HSD17B12: variants seen among roughly 807,000 people sequenced by gnomAD.
HSD17B12 encodes the protein hydroxysteroid 17-beta dehydrogenase 12.
In HSD17B12, 32 loss-of-function variants were observed where a neutral mutation model predicts 39.3. The ratio of observed to expected loss-of-function variants is 0.81; its 90% CI spans 0.61 to 1.09. The LOEUF is 1.09. Ranked by LOEUF, HSD17B12 falls within the 50% of genes least tolerant of loss-of-function variation. HSD17B12 has a pLI of 0.00. For synonymous variants in HSD17B12, 150 were observed against 146.7 expected (o/e 1.02, Z -0.16); for missense variants, 342 against 382.9 (o/e 0.89, Z 0.89).
the HSD17B12 span, among the ~76,000 whole-genome samples, chr11:43,623,954 A>G: frequency 2.6e-5 from 4 of 152,048 alleles, no homozygotes; most frequent in African/African-American, 4.8e-5. Flanking sequence ...ACAAAATGCA[A>G]TTTCAAAAAC....
At chr11:43,813,905 T>C (rs1951095875) in intron 4 of HSD17B12, among the ~76,000 whole-genome samples, 1 of 152,220 alleles carries the variant, frequency 6.6e-6, no homozygotes, top group South Asian at 2.1e-4. Flanking sequence ...TTGTAAAATC[T>C]TGCAACTTAC....
At chr11:43,637,377 T>G in the HSD17B12 span, among the ~76,000 whole-genome samples, 1 of 152,022 alleles carries the variant, frequency 6.6e-6, no homozygotes, top group Non-Finnish European at 1.5e-5. Flanking sequence ...TGCACCACCA[T>G]GCCCAGCTAA....
chr11:43,823,878 A>T (rs1280461954), intron 6 of HSD17B12, among the ~76,000 whole-genome samples: 1 of 152,188 alleles, frequency 6.6e-6, no homozygotes, highest in Admixed American at 6.5e-5. Flanking sequence ...CGCTATTTAT[A>T]CTGAAGTAAA....
At chr11:43,619,833 T>A in the HSD17B12 span, among the ~76,000 whole-genome samples, 1 of 152,240 alleles carries the variant, frequency 6.6e-6, no homozygotes, top group East Asian at 1.9e-4. Context: ...GTGAGGGCAA[T>A]GAGTTACTAC....
intron 1 of HSD17B12, among the ~76,000 whole-genome samples, chr11:43,720,896 TAGA>T (rs1259036373): frequency 6.6e-6 from 1 of 152,176 alleles, no homozygotes; most frequent in African/African-American, 2.4e-5. Flanking sequence ...AGATTTTATC[TAGA>T]AGGTTATATA....
Position 43,777,747 on chromosome 11 carries a change from C to T in HSD17B12, c.284-20573C>T, listed in dbSNP as rs760281050. Among the ~76,000 whole-genome samples the T allele has an allele frequency of 1.2e-3, 187 of 152,196 alleles. 2 individuals are homozygous for T. The highest frequency in any genetic ancestry group is 3.5e-3 in the Admixed American group (54 of 15,282). ...AGTATGATATTGGCTGTGGGTTTGT[C>T]GTAGATAGCTCTTATTATTTTGAAA... On this transcript the variant is annotated intron_variant, in intron 3 of 10. Coordinates refer to ENST00000278353, the MANE Select transcript of HSD17B12 (RefSeq NM_016142.3).
At chr11:43,611,125 T>C in the HSD17B12 span, among the ~76,000 whole-genome samples, 1 of 152,370 alleles carries the variant, frequency 6.6e-6, no homozygotes, top group Non-Finnish European at 1.5e-5. Flanking sequence ...GTTTTCTTCC[T>C]GACACCTCAA....
At chr11:43,676,961 T>C (rs1405380764), upstream of HSD17B12, among the ~76,000 whole-genome samples, 1 of 152,124 alleles carries the variant, frequency 6.6e-6, no homozygotes, top group African/African-American at 2.4e-5. Context: ...AGCTATACTG[T>C]AGGCAAAGAT....
intron 6 of HSD17B12, among the ~76,000 whole-genome samples, chr11:43,826,330 G>A (rs938612431): frequency 7.2e-5 from 11 of 151,900 alleles, no homozygotes; most frequent in Admixed American, 4.6e-4. Context: ...TGATCTGCCC[G>A]CCTCGACCTC....
intron 1 of HSD17B12, among the ~76,000 whole-genome samples, chr11:43,682,956 C>T (rs1486718374): frequency 6.6e-6 from 1 of 151,628 alleles, no homozygotes; most frequent in Admixed American, 6.6e-5. Flanking sequence ...CACACCAGCT[C>T]ATTTTTTTTG....
At chr11:43,801,829 A>G (rs1950972378) in intron 4 of HSD17B12, among the ~76,000 whole-genome samples, 1 of 152,002 alleles carries the variant, frequency 6.6e-6, no homozygotes, top group East Asian at 1.9e-4. Flanking sequence ...CCTTCTTGTC[A>G]AAGGCTGCCT....
At chr11:43,818,343 G>A (rs553882875) in intron 6 of HSD17B12, among the ~76,000 whole-genome samples, 86 of 152,140 alleles carry the variant, frequency 5.7e-4, no homozygotes, top group Non-Finnish European at 8.7e-4. Flanking sequence ...CATGTCACAT[G>A]TATGTGCCAA....
chr11:43,851,010 G>A (rs1386122795), intron 9 of HSD17B12, among the ~76,000 whole-genome samples: 4 of 152,204 alleles, frequency 2.6e-5, no homozygotes, highest in Admixed American at 6.5e-5. Flanking sequence ...GCAGTGAGCC[G>A]AGATGGCGCC....
chr11:43,789,119 A>G (rs1296145050), intron 3 of HSD17B12, among the ~76,000 whole-genome samples: 2 of 152,138 alleles, frequency 1.3e-5, no homozygotes, highest in Non-Finnish European at 2.9e-5. Context: ...GATAGGGTCA[A>G]TTCCTACTCT....
intron 6 of HSD17B12, among the ~76,000 whole-genome samples, chr11:43,821,179 T>C (rs576523272): frequency 1.0e-3 from 159 of 152,344 alleles, no homozygotes; most frequent in African/African-American, 3.8e-3. Context: ...TTTAATCTTA[T>C]CCAGCATTTT....
the HSD17B12 span, among the ~76,000 whole-genome samples, chr11:43,561,107 G>T: frequency 6.6e-6 from 1 of 152,132 alleles, no homozygotes; most frequent in Admixed American, 6.5e-5. Context: ...GATGAAGCAT[G>T]GGTTCCAATC....
the HSD17B12 span, among the ~76,000 whole-genome samples, chr11:43,582,945 G>A: frequency 6.6e-6 from 1 of 152,196 alleles, no homozygotes; most frequent in Non-Finnish European, 1.5e-5. Flanking sequence ...CAAAAGCTCC[G>A]GGGATTTTCC....
At chr11:43,717,514 T>A (rs1950134852) in intron 1 of HSD17B12, among the ~76,000 whole-genome samples, 1 of 152,180 alleles carries the variant, frequency 6.6e-6, no homozygotes, top group Admixed American at 6.5e-5. Context: ...ATTTTGTGGA[T>A]CCGGAGTTTG....
At chr11:43,785,550 C>G (rs557884516) in intron 3 of HSD17B12, among the ~76,000 whole-genome samples, 1 of 152,274 alleles carries the variant, frequency 6.6e-6, no homozygotes, top group South Asian at 2.1e-4. Context: ...TGCATATCTA[C>G]TTCTGCATTC....
Sources: gnomAD v4.1 joint callset for allele counts (sites outside exome capture counted in the v4.1 genomes callset) on GRCh38, gnomAD v4.1.1 for gene constraint, MANE v1.5 for transcripts, NCBI Gene and HGNC (gene_info 2026-07-23, HGNC 2026-07-21) for gene names.